Variants in CHST13 observed in about 807,000 individuals in gnomAD.
CHST13 encodes the protein C4ST-3.
CHST13 carries 1 observed loss-of-function variant against 7.0 expected under a neutral mutation model. That is an observed-to-expected ratio of 0.14 (90% CI 0.05 to 0.68). CHST13 has a LOEUF of 0.68. CHST13 is among the 30% of genes least tolerant of loss of function. The probability of loss-of-function intolerance (pLI) is 0.82; values close to 1 mark genes in which losing one functional copy is unlikely to be tolerated. For missense variants in CHST13, 572 were observed against 507.9 expected (o/e 1.13, Z -1.21); for synonymous variants, 257 against 240.9 (o/e 1.07, Z -0.62).
At chr3:126,529,172 T>G in intron 1 of CHST13, 1 of 581,306 alleles carries the variant, frequency 1.7e-6, no homozygotes, top group South Asian at 1.5e-5. Context: ...GAGGTGGGTG[T>G]GCAGAGGAGG....
In CHST13 at chr3:126,528,993, C is replaced by G. The variant is rs1576746059; in HGVS notation, c.97+4564C>G. The G allele has an allele frequency of 8.9e-6, 3 of 337,464 alleles. No homozygotes were observed. In the East Asian group the frequency reaches 2.7e-4, roughly 30 times the overall value. The allele number at this position is 337,464 out of a possible 1,614,324, so 20.9% of individuals were successfully genotyped here. ...CCTGCTGGCAGGAGCTTGCTGGGGC[C>G]TGGCTGCCCTGCTTATCTCCTCTTG... On this transcript the variant is annotated intron_variant, in intron 1 of 2. Transcript: ENST00000319340.
chr3:126,536,914 CA>C (rs1936807161), intron 2 of CHST13, among the ~76,000 whole-genome samples: 1 of 151,426 alleles, frequency 6.6e-6, no homozygotes, highest in African/African-American at 2.4e-5. Flanking sequence ...CACACACACA[CA>C]CACACACACC....
intron 1 of CHST13, among the ~76,000 whole-genome samples, chr3:126,529,689 C>G (rs1182475086): frequency 1.3e-5 from 2 of 152,150 alleles, no homozygotes; most frequent in Non-Finnish European, 1.5e-5. Flanking sequence ...CTCCCAGCCT[C>G]GGGCCCTGTC....
At chr3:126,535,758 C>A (rs1349112632) in intron 1 of CHST13, among the ~76,000 whole-genome samples, 1 of 152,264 alleles carries the variant, frequency 6.6e-6, no homozygotes, top group African/African-American at 2.4e-5. Context: ...ACTGCTGTCA[C>A]AGGCATCCAC....
At chr3:126,528,245 G>A (rs957592386) in intron 1 of CHST13, among the ~76,000 whole-genome samples, 1 of 151,940 alleles carries the variant, frequency 6.6e-6, no homozygotes, top group Non-Finnish European at 1.5e-5. Context: ...TAGGGGCTGG[G>A]GTGCTCTTCC....
chr3:126,536,034 T>C (rs1936782287), intron 1 of CHST13, among the ~76,000 whole-genome samples: 1 of 152,148 alleles, frequency 6.6e-6, no homozygotes, highest in Non-Finnish European at 1.5e-5. Flanking sequence ...ACCCTCCAAC[T>C]TTGGAGGGTA....
rs772359081 is a variant in CHST13 at position 126,542,284 on chromosome 3, C to G, written c.732C>G (p.Asn244Lys). The change falls in exon 3 of 3, where the codon AAC becomes AAG. Residue 244 changes from asparagine to lysine, a missense_variant. By Grantham distance (94) the Asn-to-Lys change is moderately conservative. Coordinates refer to ENST00000319340, the MANE Select transcript of CHST13 (RefSeq NM_152889.3). ...GCACGCGGCGTGAGGAGCCCTTCAA[C>G]GAGCACTGGGAGCGCGCGCACGCGC... ...DPRTRREEPFNEHWERAHALC... is the reference protein window; with the variant it reads ...DPRTRREEPFKEHWERAHALC... 3.1e-5 allele frequency: 48 copies of G among 1,565,676 alleles called. 1 individual carries two copies. The highest frequency in any genetic ancestry group is 4.1e-5 in the Non-Finnish European group (48 of 1,161,238).
At chr3:126,536,008 T>A (rs1404352068) in intron 1 of CHST13, among the ~76,000 whole-genome samples, 1 of 152,142 alleles carries the variant, frequency 6.6e-6, no homozygotes, top group African/African-American at 2.4e-5. Flanking sequence ...TTCCCACTTG[T>A]CCCCTCTTGC....
At chr3:126,539,875 A>C (rs1576235881) in intron 2 of CHST13, among the ~76,000 whole-genome samples, 1 of 610 alleles carries the variant, frequency 1.6e-3, no homozygotes, top group Non-Finnish European at 2.9e-3. Context: ...CACCACACAC[A>C]CACACAAACA....
At chr3:126,539,822 A>C in intron 2 of CHST13, among the ~76,000 whole-genome samples, 1 of 59,030 alleles carries the variant, frequency 1.7e-5, no homozygotes, top group Non-Finnish European at 3.2e-5. Context: ...CCACAAACAC[A>C]CATACCACAC....
intron 1 of CHST13, among the ~76,000 whole-genome samples, chr3:126,528,768 G>A (rs1011848958): frequency 3.3e-5 from 5 of 152,134 alleles, no homozygotes; most frequent in African/African-American, 4.8e-5. Context: ...CTAAATACAC[G>A]TGGAGAGATC....
intron 2 of CHST13, among the ~76,000 whole-genome samples, 156 bp from the exon 3 acceptor site, chr3:126,541,577 C>T (rs907567570): frequency 1.3e-5 from 2 of 152,190 alleles, no homozygotes; most frequent in African/African-American, 4.8e-5. Context: ...GGCCCTAAAC[C>T]ACACAGTGAT....
chr3:126,542,754 A>T lies in CHST13; in HGVS notation c.*176A>T. ...GCCAGGCTTGGGGGCAGCCCATCTC[A>T]GGTGGCCCTGCACGCGTGTGCCTGC... On this transcript the variant is annotated 3_prime_UTR_variant, in exon 3 of 3. Coordinates refer to ENST00000319340, the MANE Select transcript of CHST13 (RefSeq NM_152889.3). The T allele has an allele frequency of 1.0e-6, 1 of 991,050 alleles. No individual in the cohort carries two copies. Among genetic ancestry groups the T allele is most frequent in the Non-Finnish European group, 1.3e-6 (1 of 744,436 alleles). The allele number at this position is 991,050 out of a possible 1,614,324, so 61.4% of individuals were successfully genotyped here. A position where few individuals can be genotyped will look rare whatever the true frequency, so the allele number is the denominator to read the frequency against.
At chr3:126,527,181 C>T (rs1660446196) in intron 1 of CHST13, 1 of 152,376 alleles carries the variant, frequency 6.6e-6, no homozygotes, top group Non-Finnish European at 1.5e-5. Context: ...CCAGGTGGGC[C>T]TCTGCATCCC....
chr3:126,531,772 T>C (rs1321033143), intron 1 of CHST13, among the ~76,000 whole-genome samples: 1 of 152,248 alleles, frequency 6.6e-6, no homozygotes, highest in Non-Finnish European at 1.5e-5. Context: ...GATGGGAACA[T>C]TTGTGAACAA....
At position 126,524,336 on chromosome 3, in the gene CHST13, G is replaced by C. The variant is rs1341769267; in HGVS notation, c.4G>C (p.Gly2Arg). 8.1e-7 allele frequency: 1 copy of C among 1,235,380 alleles called. No homozygotes were observed. Among genetic ancestry groups the C allele is most frequent in the Non-Finnish European group, 1.0e-6 (1 of 989,818 alleles). The allele number at this position is 1,235,380 out of a possible 1,614,324, so 76.5% of individuals were successfully genotyped here. M[G>R]RRCCRRRVLA... ...TCCGCCGCGCGCCCGGCACAGCATG[G>C]GGAGGCGCTGCTGCCGGCGGCGCGT... Residue 2 changes from glycine (G) to arginine (R), a missense_variant, in exon 1 of 3, where the codon GGG becomes CGG. Physicochemically the swap from Gly to Arg is moderately radical, Grantham distance 125 (BLOSUM62 -2). Transcript: ENST00000319340.
chr3:126,530,438 C>T (rs574403516), intron 1 of CHST13, among the ~76,000 whole-genome samples: 5 of 152,300 alleles, frequency 3.3e-5, no homozygotes, highest in South Asian at 2.1e-4. Context: ...AGGCCTGGGT[C>T]GGCTTCTCAG....
In CHST13 at chr3:126,524,394, T is replaced by C; in HGVS notation, c.62T>C (p.Leu21Pro). 8.2e-7 allele frequency: 1 copy of C among 1,219,822 alleles called. No individual in the cohort carries two copies. The highest frequency in any genetic ancestry group is 1.0e-6 in the Non-Finnish European group (1 of 975,608). The allele number at this position is 1,219,822 out of a possible 1,614,324, so 75.6% of individuals were successfully genotyped here. Residue 21 changes from leucine to proline, a missense_variant, in exon 1 of 3, where the codon CTG becomes CCG. Coordinates refer to ENST00000319340, the MANE Select transcript of CHST13 (RefSeq NM_152889.3). Reference sequence around the variant, plus strand: ...GCCGCCTGTCTGGGCGCCGCGCTCCTGCTCCTATGCGCCGCGCCCCGCTCC... The same window carrying C: ...GCCGCCTGTCTGGGCGCCGCGCTCCCGCTCCTATGCGCCGCGCCCCGCTCC... ...LAAACLGAAL[L>P]LLCAAPRSLR...
intron 1 of CHST13, among the ~76,000 whole-genome samples, chr3:126,530,793 C>T (rs1305674726): frequency 1.3e-5 from 2 of 152,258 alleles, no homozygotes; most frequent in African/African-American, 2.4e-5. Flanking sequence ...TGTCTGGAGA[C>T]GCAAGGTCAA....
Sources: allele counts gnomAD v4.1 joint callset (sites outside exome capture counted in the v4.1 genomes callset), GRCh38; gene constraint gnomAD v4.1.1; transcripts MANE v1.5; gene names NCBI Gene and HGNC (gene_info 2026-07-23, HGNC 2026-07-21).